Variants in PRKAG2 observed in about 807,000 individuals in gnomAD.
PRKAG2 encodes 5'-AMP-activated protein kinase subunit gamma-2.
PRKAG2 carries 26 observed loss-of-function variants against 69.6 expected under a neutral mutation model. The ratio of observed to expected loss-of-function variants is 0.37; its 90% confidence interval spans 0.27 to 0.52. The LOEUF (loss-of-function observed/expected upper bound fraction) is 0.52, where lower values mean the gene tolerates loss of function less well. Ranked by LOEUF, PRKAG2 falls within the 20% of genes least tolerant of loss-of-function variation. The probability of loss-of-function intolerance (pLI) is 0.90; values close to 1 mark genes in which losing one functional copy is unlikely to be tolerated. For missense variants in PRKAG2, 557 were observed against 740.0 expected (o/e 0.75, Z 2.87); for synonymous variants, 293 against 285.0 (o/e 1.03, Z -0.28).
At chr7:151,849,343 G>A (rs79671766) in intron 1 of PRKAG2, among the ~76,000 whole-genome samples, 11,917 of 152,218 alleles carry the variant, frequency 0.078, 936 homozygotes, top group East Asian at 0.39. Flanking sequence ...CTTCCCTTCC[G>A]CAGGAGTCCA....
chr7:151,781,540 G>T lies in PRKAG2; in HGVS notation c.187-109C>A. On this transcript the variant is annotated intron_variant, in intron 2 of 15. Coordinates refer to ENST00000287878, the MANE Select transcript of PRKAG2 (RefSeq NM_016203.4). This position sits in a 1 kb window ranked among gnomAD's most constrained non-coding sequence, Gnocchi z 6.1. ...CTCTCTCACATGCGGGCCCCCCATAGTACCCTCCCAGAGAAACAGCCCTAA... is the reference window on the plus strand; with the variant it reads ...CTCTCTCACATGCGGGCCCCCCATATTACCCTCCCAGAGAAACAGCCCTAA... The T allele has an allele frequency of 7.4e-7, 1 of 1,345,814 alleles. No homozygotes were observed. The highest frequency in any genetic ancestry group is 1.0e-6 in the Non-Finnish European group (1 of 977,302). 83.4% of individuals were successfully genotyped at this position (1,345,814 alleles called of 1,614,324 possible). A position where few individuals can be genotyped will look rare whatever the true frequency, so the allele number is the denominator to read the frequency against.
intron 3 of PRKAG2, among the ~76,000 whole-genome samples, chr7:151,680,316 G>T (rs1833660882): frequency 6.6e-6 from 1 of 152,182 alleles, no homozygotes; most frequent in Non-Finnish European, 1.5e-5. Flanking sequence ...GGCTCGTCAA[G>T]AAGAGGTTAG....
intron 4 of PRKAG2, among the ~76,000 whole-genome samples, chr7:151,673,896 G>A (rs1296615913): frequency 1.4e-5 from 2 of 145,476 alleles, no homozygotes; most frequent in Non-Finnish European, 3.0e-5. Context: ...AGGCCGGAGT[G>A]CAGTGGTGCA....
intron 4 of PRKAG2, among the ~76,000 whole-genome samples, chr7:151,642,433 G>A (rs547115001): frequency 6.6e-6 from 1 of 152,286 alleles, no homozygotes; most frequent in East Asian, 1.9e-4. Context: ...GGAGGCTGAG[G>A]TGGGAGGACT....
chr7:151,865,532 T>C (rs1472936859), intron 1 of PRKAG2, among the ~76,000 whole-genome samples: 3 of 152,332 alleles, frequency 2.0e-5, no homozygotes, highest in East Asian at 3.9e-4. Flanking sequence ...TGGATCACAG[T>C]GAGACCCCTG....
chr7:151,754,849 CCCTT>C (rs2074969342), intron 3 of PRKAG2, among the ~76,000 whole-genome samples: 1 of 152,112 alleles, frequency 6.6e-6, no homozygotes, highest in East Asian at 1.9e-4. Context: ...TCCCCTGCCT[CCCTT>C]CCTTCCGAAG....
Position 151,670,061 on chromosome 7 carries a change from C to T in PRKAG2, c.684+5359G>A, listed in dbSNP as rs200875972. Among the ~76,000 whole-genome samples, 592 of 148,512 alleles carry T rather than the reference C, an allele frequency of 4.0e-3. 16 individuals carry two copies. In the East Asian group the frequency reaches 0.09, roughly 23 times the overall value. ...ATGCACACACACCTGTGCACATACC[C>T]GCATGCACACTCACCTGCATGCACA... On this transcript the variant is annotated intron_variant, in intron 4 of 15. Coordinates refer to ENST00000287878, the MANE Select transcript of PRKAG2 (RefSeq NM_016203.4).
Position 151,556,926 on chromosome 7 carries a change from A to G in PRKAG2, c.*275T>C, listed in dbSNP as rs2092535610. 2.1e-6 allele frequency: 1 copy of G among 482,166 alleles called. No homozygotes were observed. The allele number at this position is 482,166 out of a possible 1,614,324, so 29.9% of individuals were successfully genotyped here. A position where few individuals can be genotyped will look rare whatever the true frequency, so the allele number is the denominator to read the frequency against. On this transcript the variant is annotated 3_prime_UTR_variant, in exon 16 of 16. Coordinates refer to ENST00000287878, the MANE Select transcript of PRKAG2 (RefSeq NM_016203.4). ...ACCAGTGAATTCTTTGAAATGAAAA[A>G]TAATGAAAACTTCAGGACACAGTGC...
intron 3 of PRKAG2, among the ~76,000 whole-genome samples, chr7:151,718,271 T>G (rs1796481179): frequency 7.4e-6 from 1 of 134,482 alleles, no homozygotes; most frequent in Non-Finnish European, 1.6e-5. Context: ...CCCATGGTGG[T>G]GGGTGGAGGG....
intron 6 of PRKAG2, among the ~76,000 whole-genome samples, chr7:151,589,123 C>T (rs1280207757): frequency 6.6e-6 from 1 of 152,244 alleles, no homozygotes; most frequent in African/African-American, 2.4e-5. Context: ...GCTTGCTCCT[C>T]CCGTCAGCGG....
chr7:151,860,091 G>C (rs2079881372), intron 1 of PRKAG2, among the ~76,000 whole-genome samples: 1 of 152,186 alleles, frequency 6.6e-6, no homozygotes, highest in African/African-American at 2.4e-5. Context: ...ACCCGGAGGG[G>C]CCCTTCCAGT....
chr7:151,813,492 GAA>G (rs35161942), intron 1 of PRKAG2, among the ~76,000 whole-genome samples: 3 of 137,982 alleles, frequency 2.2e-5, no homozygotes, highest in African/African-American at 5.4e-5. Context: ...CGATTGTAAG[GAA>G]AAAAAAAAAA....
At chr7:151,563,998 A>G in intron 14 of PRKAG2, 80 bp downstream of exon 14, 2 of 1,595,678 alleles carry the variant, frequency 1.3e-6, no homozygotes, top group South Asian at 2.2e-5. Context: ...CCTGAGATTC[A>G]GGCTTCCAGA....
At chr7:151,568,129 C>A (rs936787121) in intron 11 of PRKAG2, among the ~76,000 whole-genome samples, 2 of 152,208 alleles carry the variant, frequency 1.3e-5, no homozygotes, top group African/African-American at 4.8e-5. Flanking sequence ...ATGTTTCCAA[C>A]CAAACAGGCT....
chr7:151,713,586 A>AT (rs200647217), intron 3 of PRKAG2, among the ~76,000 whole-genome samples: 43,855 of 141,990 alleles, frequency 0.31, 7,135 homozygotes, highest in East Asian at 0.59. Flanking sequence ...TGCTTTTTTA[A>AT]TTTTTTTTTT....
At chr7:151,660,819 C>T (rs1013405700) in intron 4 of PRKAG2, among the ~76,000 whole-genome samples, 4 of 152,312 alleles carry the variant, frequency 2.6e-5, no homozygotes, top group Admixed American at 6.5e-5. Context: ...CTCAAAGAGG[C>T]GGGATTCCAG....
chr7:151,647,035 G>A (rs1225042148), intron 4 of PRKAG2, among the ~76,000 whole-genome samples: 2 of 152,236 alleles, frequency 1.3e-5, no homozygotes, highest in African/African-American at 4.8e-5. Flanking sequence ...GGCTACCAGG[G>A]AGGACTCAGG....
chr7:151,686,763 A>C (rs1478988192), intron 3 of PRKAG2, among the ~76,000 whole-genome samples: 1 of 152,142 alleles, frequency 6.6e-6, no homozygotes, highest in Non-Finnish European at 1.5e-5. Flanking sequence ...CTCACTCTCA[A>C]TTCATATTTC....
chr7:151,745,392 C>T (rs1001000637), intron 3 of PRKAG2, among the ~76,000 whole-genome samples: 12 of 152,174 alleles, frequency 7.9e-5, no homozygotes, highest in African/African-American at 2.2e-4. Flanking sequence ...GAGATCGCCA[C>T]GTCGCCTCAC....
Sources: allele counts gnomAD v4.1 joint callset (sites outside exome capture counted in the v4.1 genomes callset), GRCh38; gene constraint gnomAD v4.1.1; non-coding constraint Gnocchi (gnomAD v3.1); transcripts MANE v1.5; gene names NCBI Gene and HGNC (gene_info 2026-07-23, HGNC 2026-07-21).